Variants in FSTL5 observed in about 807,000 individuals in gnomAD.
FSTL5 encodes the protein follistatin like 5, also known as follistatin-related protein 5.
Under a neutral mutation model 89.1 loss-of-function variants are expected in FSTL5, and 62 were observed. The observed-to-expected ratio is 0.70, with a 90% confidence interval of 0.57 to 0.86. The LOEUF (loss-of-function observed/expected upper bound fraction) is 0.86, where lower values mean the gene tolerates loss of function less well. Among genes scored for constraint, FSTL5 ranks in the 40% least tolerant of loss-of-function variants. The pLI is 0.00. For missense variants in FSTL5, 1,057 were observed against 1,001.6 expected (o/e 1.06, Z -0.75); for synonymous variants, 383 against 346.2 (o/e 1.11, Z -1.18).
At chr4:161,550,554 C>CTTTT (rs1185152355) in intron 8 of FSTL5, among the ~76,000 whole-genome samples, 3 of 98,874 alleles carry the variant, frequency 3.0e-5, no homozygotes, top group Non-Finnish European at 6.3e-5. Context: ...TCAGTAACTT[C>CTTTT]TTTTTTATTT....
chr4:161,899,804 C>T (rs1354748242), intron 4 of FSTL5, among the ~76,000 whole-genome samples: 1 of 152,172 alleles, frequency 6.6e-6, no homozygotes, highest in East Asian at 1.9e-4. Flanking sequence ...AAGAAAACTA[C>T]ACCTAACAGA....
intron 1 of FSTL5, among the ~76,000 whole-genome samples, chr4:162,116,994 C>A (rs780519597): frequency 2.0e-5 from 3 of 152,150 alleles, no homozygotes; most frequent in Non-Finnish European, 4.4e-5. Context: ...TTTAGAAAGG[C>A]TATCACTCTT....
chr4:161,724,294 T>G (rs1263195930), intron 6 of FSTL5, among the ~76,000 whole-genome samples: 1 of 152,162 alleles, frequency 6.6e-6, no homozygotes, highest in Non-Finnish European at 1.5e-5. Context: ...AAAATAAGCA[T>G]TGTTAGCAAT....
rs983941694 is a variant in FSTL5, at chr4:161,916,815, TAGAA to T, written c.409+3585_409+3588del. ...GTATTTCAATATGTAACACAAGTAA[TAGAA>T]AGAGGATATACAGATATAGGTATAT... On this transcript the variant is annotated intron_variant, in intron 4 of 15. Coordinates refer to ENST00000306100, the MANE Select transcript of FSTL5 (RefSeq NM_020116.5). Among the ~76,000 whole-genome samples, 11 of 152,236 alleles carry T rather than the reference TAGAA, an allele frequency of 7.2e-5. No homozygotes were observed. In the South Asian group the frequency reaches 8.3e-4, roughly 11 times the overall value.
chr4:162,060,773 AT>A (rs1402821784), intron 2 of FSTL5, among the ~76,000 whole-genome samples: 2 of 152,068 alleles, frequency 1.3e-5, no homozygotes, highest in African/African-American at 4.8e-5. Context: ...CTTTGACATA[AT>A]TTTTGAGAAA....
intron 4 of FSTL5, among the ~76,000 whole-genome samples, chr4:161,907,228 C>G (rs754024313): frequency 9.9e-5 from 15 of 152,064 alleles, no homozygotes; most frequent in South Asian, 2.1e-4. Context: ...ATGGAAAAGA[C>G]ACTCTCTACA....
intron 15 of FSTL5, among the ~76,000 whole-genome samples, chr4:161,415,534 C>A (rs118159076): frequency 6.6e-6 from 1 of 151,994 alleles, no homozygotes; most frequent in African/African-American, 2.4e-5. Flanking sequence ...GGATTTCAGG[C>A]GTGAGTCACC....
At chr4:161,568,133 A>G (rs1052618546) in intron 8 of FSTL5, among the ~76,000 whole-genome samples, 1 of 151,824 alleles carries the variant, frequency 6.6e-6, no homozygotes, top group South Asian at 2.1e-4. Context: ...CATATTTGCC[A>G]TATATCTCAA....
chr4:161,459,065 T>TG (rs1733467048), intron 14 of FSTL5, 147 bp downstream of exon 14: 1 of 537,426 alleles, frequency 1.9e-6, no homozygotes, highest in African/African-American at 1.9e-5. Context: ...TGCCAACTTT[T>TG]TTGCCTTTTT....
chr4:161,621,752 C>A (rs1735132828), intron 7 of FSTL5, among the ~76,000 whole-genome samples: 1 of 150,904 alleles, frequency 6.6e-6, no homozygotes, highest in Admixed American at 6.6e-5. Context: ...GAGGCCAAGG[C>A]CAGTGGATCA....
At chr4:161,653,675 T>C (rs1736414562) in intron 7 of FSTL5, among the ~76,000 whole-genome samples, 1 of 152,164 alleles carries the variant, frequency 6.6e-6, no homozygotes, top group African/African-American at 2.4e-5. Context: ...ATTTTAAGCA[T>C]AAATAAGTAT....
At chr4:161,566,100 C>CTATATATATATATA (rs59511238) in intron 8 of FSTL5, among the ~76,000 whole-genome samples, 1 of 54,064 alleles carries the variant, frequency 1.8e-5, no homozygotes, top group Non-Finnish European at 3.5e-5. Context: ...TTTTTTTGGA[C>CTATATATATATATA]TATATATATA....
chr4:161,395,712 G>A (rs1304780354), intron 15 of FSTL5, among the ~76,000 whole-genome samples: 2 of 152,026 alleles, frequency 1.3e-5, no homozygotes, highest in Non-Finnish European at 2.9e-5. Context: ...TATTATACAG[G>A]TTCTAGAAGG....
At chr4:161,618,406 T>A (rs549322175) in intron 7 of FSTL5, among the ~76,000 whole-genome samples, 1,994 of 134,242 alleles carry the variant, frequency 0.015, 51 homozygotes, top group African/African-American at 0.054. Context: ...TGTGCCAGTT[T>A]TCAAAGGGAA....
At chr4:161,661,221 C>G (rs1736697249) in intron 6 of FSTL5, among the ~76,000 whole-genome samples, 1 of 152,064 alleles carries the variant, frequency 6.6e-6, no homozygotes, top group Non-Finnish European at 1.5e-5. Context: ...TTTTCATAAC[C>G]AAGATTCTGC....
intron 3 of FSTL5, among the ~76,000 whole-genome samples, chr4:161,932,918 C>T (rs1236795368): frequency 1.3e-5 from 2 of 152,002 alleles, no homozygotes; most frequent in East Asian, 1.9e-4. Context: ...AGCTTTTGGT[C>T]ACATTCAAGC....
At chr4:161,761,817 T>C (rs1007926959) in intron 5 of FSTL5, among the ~76,000 whole-genome samples, 4 of 152,238 alleles carry the variant, frequency 2.6e-5, no homozygotes, top group African/African-American at 7.2e-5. Flanking sequence ...TATCCATGCA[T>C]AGGACAAAGT....
chr4:162,083,063 C>A (rs10027602), intron 2 of FSTL5, among the ~76,000 whole-genome samples: 45,125 of 151,442 alleles, frequency 0.3, 7,559 homozygotes, highest in Non-Finnish European at 0.37. Flanking sequence ...AGTGCTTACT[C>A]AATGGCAAGT....
intron 2 of FSTL5, among the ~76,000 whole-genome samples, chr4:162,106,592 T>C (rs945397479): frequency 6.6e-6 from 1 of 151,780 alleles, no homozygotes; most frequent in Non-Finnish European, 1.5e-5. Flanking sequence ...AAGCAAGTAG[T>C]GAGAAGAAAG....
Sources: gnomAD v4.1 joint callset for allele counts (sites outside exome capture counted in the v4.1 genomes callset) on GRCh38, gnomAD v4.1.1 for gene constraint, MANE v1.5 for transcripts, NCBI Gene and HGNC (gene_info 2026-07-23, HGNC 2026-07-21) for gene names.